Variants in FSTL5 observed in about 807,000 individuals in gnomAD.
FSTL5 encodes follistatin-related protein 5.
A neutral mutation model predicts 89.1 loss-of-function variants in FSTL5; 62 were observed. The ratio of observed to expected loss-of-function variants is 0.70; its 90% CI spans 0.57 to 0.86. FSTL5 has a LOEUF of 0.86. Ranked by LOEUF, FSTL5 falls within the 40% of genes least tolerant of loss-of-function variation. The probability of loss-of-function intolerance (pLI) is 0.00; values close to 1 mark genes in which losing one functional copy is unlikely to be tolerated. For synonymous variants in FSTL5, 383 were observed against 346.2 expected, an observed-to-expected ratio of 1.11 and a Z score of -1.18; for missense variants, 1,057 against 1,001.6, an observed-to-expected ratio of 1.06 and a Z score of -0.75.
At chr4:161,458,004 A>G (rs1001971290) in intron 14 of FSTL5, among the ~76,000 whole-genome samples, 26 of 152,216 alleles carry the variant, frequency 1.7e-4, no homozygotes, top group Admixed American at 6.5e-4. Flanking sequence ...CTGGTCTTGT[A>G]GCTTCCACTT....
chr4:162,123,241 C>T (rs1279395018), intron 1 of FSTL5, among the ~76,000 whole-genome samples: 1 of 152,058 alleles, frequency 6.6e-6, no homozygotes, highest in Non-Finnish European at 1.5e-5. Context: ...AACTTAATTT[C>T]CTCTGTATTT....
In FSTL5 at chr4:161,722,570, G is replaced by A. The variant is rs1286475846; in HGVS notation, c.727+36841C>T. On this transcript the variant is annotated intron_variant, in intron 6 of 15. Transcript: ENST00000306100. Reference sequence around the variant, plus strand: ...TTCTAGCACCTTTGAATATTCTGATGTATGTAAATTGCAATGATGTATTTC... The same window carrying A: ...TTCTAGCACCTTTGAATATTCTGATATATGTAAATTGCAATGATGTATTTC... Among the ~76,000 whole-genome samples the A allele has an allele frequency of 2.6e-5, 4 of 152,050 alleles. No individual in the cohort carries two copies. In the South Asian group the frequency reaches 6.2e-4, roughly 24 times the overall value.
chr4:161,891,889 T>C (rs186696225), intron 4 of FSTL5, among the ~76,000 whole-genome samples: 18 of 152,176 alleles, frequency 1.2e-4, no homozygotes, highest in Non-Finnish European at 1.8e-4. Flanking sequence ...TCTGTGGACA[T>C]CCTACTCATT....
intron 1 of FSTL5, among the ~76,000 whole-genome samples, chr4:162,125,962 C>T (rs1732065788): frequency 6.6e-6 from 1 of 151,764 alleles, no homozygotes; most frequent in African/African-American, 2.4e-5. Context: ...GTATTATCTC[C>T]TTTTTTCTCT....
intron 12 of FSTL5, among the ~76,000 whole-genome samples, chr4:161,484,546 T>G (rs1222903220): frequency 6.6e-6 from 1 of 152,220 alleles, no homozygotes; most frequent in Non-Finnish European, 1.5e-5. Flanking sequence ...CTAATTATCT[T>G]CAGACTTTTG....
chr4:161,555,349 A>G (rs1732351941), intron 8 of FSTL5, among the ~76,000 whole-genome samples: 1 of 151,592 alleles, frequency 6.6e-6, no homozygotes, highest in South Asian at 2.1e-4. Context: ...ACAAAAGAAA[A>G]TATAACAAAA....
intron 4 of FSTL5, among the ~76,000 whole-genome samples, chr4:161,910,188 G>A (rs187628745): frequency 1.5e-4 from 23 of 152,118 alleles, no homozygotes; most frequent in African/African-American, 4.6e-4. Context: ...CTGTAACACT[G>A]GTGGCTATGC....
At chr4:161,875,225 AC>A (rs1157070878) in intron 4 of FSTL5, among the ~76,000 whole-genome samples, 1 of 152,166 alleles carries the variant, frequency 6.6e-6, no homozygotes, top group Non-Finnish European at 1.5e-5. Context: ...GAAAACTCTA[AC>A]TTTCCACGCC....
chr4:162,073,905 A>G (rs1356769704), intron 2 of FSTL5, among the ~76,000 whole-genome samples: 1 of 151,852 alleles, frequency 6.6e-6, no homozygotes, highest in Non-Finnish European at 1.5e-5. Context: ...AAGTAAATTA[A>G]ATATGGTGCA....
intron 4 of FSTL5, among the ~76,000 whole-genome samples, chr4:161,812,725 C>T (rs923389151): frequency 4.0e-5 from 6 of 151,792 alleles, no homozygotes; most frequent in Admixed American, 6.6e-5. Flanking sequence ...TCATTACCAT[C>T]CTAGTCTACA....
At chr4:162,041,526 T>C (rs1008275886) in intron 2 of FSTL5, among the ~76,000 whole-genome samples, 1 of 152,172 alleles carries the variant, frequency 6.6e-6, no homozygotes, top group Non-Finnish European at 1.5e-5. Flanking sequence ...AGAGTGTCAG[T>C]CAACAGTCAA....
chr4:161,622,783 A>C (rs1036379205), intron 7 of FSTL5, among the ~76,000 whole-genome samples: 43 of 152,252 alleles, frequency 2.8e-4, no homozygotes, highest in African/African-American at 1.0e-3. Flanking sequence ...ATTTTTATTT[A>C]AGAATCAATT....
At chr4:161,865,750 T>A (rs1365337954) in intron 4 of FSTL5, among the ~76,000 whole-genome samples, 1 of 152,132 alleles carries the variant, frequency 6.6e-6, no homozygotes, top group African/African-American at 2.4e-5. Flanking sequence ...CTCCTTAGAT[T>A]GCTATATTAT....
chr4:161,737,530 T>C (rs545703492), intron 6 of FSTL5, among the ~76,000 whole-genome samples: 1 of 152,138 alleles, frequency 6.6e-6, no homozygotes, highest in Non-Finnish European at 1.5e-5. Context: ...TCAAAATATA[T>C]ATTAATCTTA....
intron 4 of FSTL5, among the ~76,000 whole-genome samples, chr4:161,804,132 G>A (rs1175492286): frequency 6.6e-6 from 1 of 151,776 alleles, no homozygotes; most frequent in Non-Finnish European, 1.5e-5. Flanking sequence ...TCAAATATTT[G>A]TGACTTTCCC....
intron 3 of FSTL5, among the ~76,000 whole-genome samples, chr4:161,938,458 A>G (rs535779262): frequency 3.3e-5 from 5 of 152,248 alleles, no homozygotes; most frequent in African/African-American, 1.2e-4. Context: ...AGATATGGAT[A>G]TCCAGCAAAA....
chr4:161,617,140 ATAAT>A (rs1157293633), intron 7 of FSTL5, among the ~76,000 whole-genome samples: 1 of 151,944 alleles, frequency 6.6e-6, no homozygotes, highest in Non-Finnish European at 1.5e-5. Context: ...TGAAAAATAA[ATAAT>A]AAATAAATAT....
intron 6 of FSTL5, among the ~76,000 whole-genome samples, chr4:161,722,021 T>C (rs533431229): frequency 6.6e-6 from 1 of 152,258 alleles, no homozygotes; most frequent in East Asian, 1.9e-4. Flanking sequence ...TTCTTATACA[T>C]AATATGAATG....
intron 12 of FSTL5, among the ~76,000 whole-genome samples, chr4:161,495,823 G>A (rs1459861910): frequency 2.0e-5 from 3 of 151,916 alleles, no homozygotes; most frequent in Non-Finnish European, 2.9e-5. Context: ...TGGGAAAAAT[G>A]GTTCCAAAAG....
Sources: allele counts gnomAD v4.1 joint callset (sites outside exome capture counted in the v4.1 genomes callset), GRCh38; gene constraint gnomAD v4.1.1; transcripts MANE v1.5; gene names NCBI Gene and HGNC (gene_info 2026-07-23, HGNC 2026-07-21).